Variants in ANGPT1 observed in about 807,000 individuals in gnomAD.
The protein encoded by ANGPT1 is angiopoietin-1.
Under a neutral mutation model 62.2 loss-of-function variants are expected in ANGPT1, and 17 were observed. That is an observed-to-expected ratio of 0.27 (90% confidence interval 0.19 to 0.41). ANGPT1 has a LOEUF of 0.41. Ranked by LOEUF, ANGPT1 falls within the 10% of genes least tolerant of loss-of-function variation. The pLI, the probability that ANGPT1 is intolerant of heterozygous loss-of-function variation, is 1.00. For synonymous variants in ANGPT1, 199 were observed against 198.9 expected (o/e 1.00, Z 0.00); for missense variants, 478 against 594.9 (o/e 0.80, Z 2.04).
At chr8:107,467,431 A>T (rs927213896) in intron 1 of ANGPT1, among the ~76,000 whole-genome samples, 1 of 152,076 alleles carries the variant, frequency 6.6e-6, no homozygotes, top group Non-Finnish European at 1.5e-5. Flanking sequence ...AAATTGAAAG[A>T]TCTACCTTTA....
chr8:107,429,272 T>C (rs1811115612), intron 1 of ANGPT1, among the ~76,000 whole-genome samples: 1 of 152,154 alleles, frequency 6.6e-6, no homozygotes, highest in East Asian at 1.9e-4. Flanking sequence ...AGTGAGGCAC[T>C]CATAAGATGA....
rs535906825 is a variant in ANGPT1 at position 107,329,922 on chromosome 8, T to C, written c.575+6228A>G. 9.2e-5 allele frequency among the ~76,000 whole-genome samples: 14 copies of C among 152,178 alleles called. No individual in the cohort carries two copies. The South Asian group carries it at 2.7e-3, about 29-fold the overall frequency. On this transcript the variant is annotated intron_variant, in intron 3 of 8. Coordinates refer to ENST00000517746, the MANE Select transcript of ANGPT1 (RefSeq NM_001146.5). ...ACATGCACACACAGAAACATACATATATTATAATGTGATCAGATAAGTGAA... is the reference window on the plus strand; with the variant it reads ...ACATGCACACACAGAAACATACATACATTATAATGTGATCAGATAAGTGAA...
intron 1 of ANGPT1, among the ~76,000 whole-genome samples, chr8:107,403,194 A>G (rs564675350): frequency 3.3e-5 from 5 of 152,158 alleles, no homozygotes; most frequent in African/African-American, 9.7e-5. Context: ...CATGGTCACA[A>G]GACAGCTCCT....
chr8:107,366,741 C>T (rs1816281694), intron 1 of ANGPT1, among the ~76,000 whole-genome samples: 1 of 152,196 alleles, frequency 6.6e-6, no homozygotes, highest in Admixed American at 6.5e-5. Flanking sequence ...GGTAGTTATA[C>T]CCTGGCATAG....
chr8:107,278,085 T>G (rs1380377856), intron 7 of ANGPT1, among the ~76,000 whole-genome samples: 1 of 152,006 alleles, frequency 6.6e-6, no homozygotes, highest in East Asian at 1.9e-4. Flanking sequence ...TTTCTTTTTT[T>G]TTTTTTTAAA....
intron 1 of ANGPT1, among the ~76,000 whole-genome samples, chr8:107,370,372 G>GAAAA (rs1303734207): frequency 0.01 from 362 of 34,982 alleles, 29 homozygotes; most frequent in Non-Finnish European, 0.022. Flanking sequence ...AAGAAAGAAA[G>GAAAA]AAAGAAAGAA....
intron 1 of ANGPT1, among the ~76,000 whole-genome samples, chr8:107,360,763 A>C (rs1041174877): frequency 1.3e-5 from 2 of 152,136 alleles, no homozygotes; most frequent in Non-Finnish European, 2.9e-5. Flanking sequence ...CAGGCAGTAA[A>C]AAAGTCTTCA....
intron 1 of ANGPT1, among the ~76,000 whole-genome samples, chr8:107,479,118 G>T (rs1563641559): frequency 6.7e-6 from 1 of 150,200 alleles, no homozygotes; most frequent in Non-Finnish European, 1.5e-5. Context: ...TTCAAAGATT[G>T]TGGGTAATGT....
chr8:107,493,384 G>A (rs1039001101), intron 1 of ANGPT1, among the ~76,000 whole-genome samples: 1 of 150,334 alleles, frequency 6.7e-6, no homozygotes. Context: ...TGGAGAAACT[G>A]GCAACAGAGC....
chr8:107,459,556 T>A (rs1398174402), intron 1 of ANGPT1, among the ~76,000 whole-genome samples: 1 of 152,090 alleles, frequency 6.6e-6, no homozygotes, highest in Non-Finnish European at 1.5e-5. Flanking sequence ...ATTCAACTCA[T>A]ATTATGTGGG....
At chr8:107,370,920 G>C (rs1435029560) in intron 1 of ANGPT1, among the ~76,000 whole-genome samples, 1 of 151,416 alleles carries the variant, frequency 6.6e-6, no homozygotes, top group African/African-American at 2.4e-5. Context: ...TTGAAAAAAT[G>C]GTGTCAATAG....
rs188215549 is a variant in ANGPT1, at chr8:107,486,188, A to T, written c.297+11074T>A. Among the ~76,000 whole-genome samples, 16 of 152,292 alleles carry T rather than the reference A, an allele frequency of 1.1e-4. No individual in the cohort carries two copies. In the South Asian group the frequency reaches 3.1e-3, roughly 30 times the overall value. The stretch of plus-strand genomic sequence containing the variant: ...TAGACACAAAGACAACTACAGAAAA[A>T]TTTTTTAGAAATAGGCTTAAGGTTT... On this transcript the variant is annotated intron_variant, in intron 1 of 8. Coordinates refer to ENST00000517746, the MANE Select transcript of ANGPT1 (RefSeq NM_001146.5).
At chr8:107,297,246 T>C (rs1366615046) in intron 5 of ANGPT1, among the ~76,000 whole-genome samples, 1 of 152,012 alleles carries the variant, frequency 6.6e-6, no homozygotes, top group East Asian at 1.9e-4. Flanking sequence ...ATAACATCAA[T>C]GATAACAGCT....
rs183291388 is a variant in ANGPT1 at position 107,250,221 on chromosome 8, T to C, written c.*1634A>G. ...GCTTTATTTCAATTTTCTCATCCCATAGTGACTCATGTTTTAATAAAAACT... is the reference window on the plus strand; with the variant it reads ...GCTTTATTTCAATTTTCTCATCCCACAGTGACTCATGTTTTAATAAAAACT... On this transcript the variant is annotated 3_prime_UTR_variant, in exon 9 of 9. Transcript: ENST00000517746. 59 of 152,234 alleles carry C rather than the reference T, an allele frequency of 3.9e-4. No individual in the cohort carries two copies. The highest frequency in any genetic ancestry group is 1.4e-3 in the African/African-American group (58 of 41,562). The allele number at this position is 152,234 out of a possible 1,614,324, so 9.4% of individuals were successfully genotyped here.
intron 1 of ANGPT1, among the ~76,000 whole-genome samples, chr8:107,478,196 T>C (rs1360697484): frequency 6.6e-6 from 1 of 151,566 alleles, no homozygotes; most frequent in African/African-American, 2.4e-5. Flanking sequence ...AGATCCCATC[T>C]GTTTTACATC....
intron 7 of ANGPT1, among the ~76,000 whole-genome samples, chr8:107,279,960 G>T (rs1445802005): frequency 6.6e-6 from 1 of 151,772 alleles, no homozygotes; most frequent in Non-Finnish European, 1.5e-5. Flanking sequence ...GGTTGAGAAG[G>T]GAGAGGTCCC....
At chr8:107,456,816 C>T (rs1811931464) in intron 1 of ANGPT1, among the ~76,000 whole-genome samples, 1 of 151,864 alleles carries the variant, frequency 6.6e-6, no homozygotes, top group Admixed American at 6.6e-5. Context: ...CGAATTATAC[C>T]TATCTTGAGC....
chr8:107,399,399 T>C (rs1001449328), intron 1 of ANGPT1, among the ~76,000 whole-genome samples: 1 of 152,204 alleles, frequency 6.6e-6, no homozygotes, highest in African/African-American at 2.4e-5. Flanking sequence ...GTTATCAGAA[T>C]AAAGGCTTGT....
rs190856640 is a variant in ANGPT1 at position 107,478,420 on chromosome 8, C to T, written c.297+18842G>A. 2.6e-3 allele frequency among the ~76,000 whole-genome samples: 388 copies of T among 151,926 alleles called. 1 individual carries two copies. The highest frequency in any genetic ancestry group is 8.7e-3 in the African/African-American group (359 of 41,430). The stretch of plus-strand genomic sequence containing the variant: ...AAAAGTAGCTGGGTGTGGTGGTGCA[C>T]GCCTGTAGTCCCAGCTACTTGGGGA... On this transcript the variant is annotated intron_variant, in intron 1 of 8. Coordinates refer to ENST00000517746, the MANE Select transcript of ANGPT1 (RefSeq NM_001146.5).
Sources: allele counts gnomAD v4.1 joint callset (sites outside exome capture counted in the v4.1 genomes callset), GRCh38; gene constraint gnomAD v4.1.1; transcripts MANE v1.5; gene names NCBI Gene and HGNC (gene_info 2026-07-23, HGNC 2026-07-21).